Variants in ABRAXAS1 observed in about 807,000 individuals in gnomAD.
The protein encoded by ABRAXAS1 is abraxas 1, BRCA1 A complex subunit.
A neutral mutation model predicts 38.4 loss-of-function variants in ABRAXAS1; 26 were observed. The observed-to-expected ratio is 0.68, with a 90% CI of 0.50 to 0.94. ABRAXAS1 has a LOEUF of 0.94. Among genes scored for constraint, ABRAXAS1 ranks in the 40% least tolerant of loss-of-function variants. ABRAXAS1 has a pLI of 0.00. For synonymous variants in ABRAXAS1, 144 were observed against 165.5 expected, an observed-to-expected ratio of 0.87 and a Z score of 1.00; for missense variants, 438 against 481.9, an observed-to-expected ratio of 0.91 and a Z score of 0.85.
At chr4:83,463,246 A>T (rs984777512) in intron 8 of ABRAXAS1, among the ~76,000 whole-genome samples, 1 of 152,110 alleles carries the variant, frequency 6.6e-6, no homozygotes, top group African/African-American at 2.4e-5. Context: ...CCTGGCCAAC[A>T]TGGTGAAACC....
At chr4:83,480,697 G>A (rs1458622915) in intron 2 of ABRAXAS1, among the ~76,000 whole-genome samples, 1 of 152,014 alleles carries the variant, frequency 6.6e-6, no homozygotes, top group Non-Finnish European at 1.5e-5. Context: ...AATAGATAAC[G>A]CCAAATATTG....
chr4:83,483,904 C>A (rs1723083150), intron 1 of ABRAXAS1: 1 of 517,512 alleles, frequency 1.9e-6, no homozygotes, highest in Non-Finnish European at 2.5e-6. Flanking sequence ...ATTTCCACAG[C>A]TACACATATA....
At chr4:83,481,376 G>A (rs1722996021) in intron 2 of ABRAXAS1, among the ~76,000 whole-genome samples, 1 of 152,018 alleles carries the variant, frequency 6.6e-6, no homozygotes. Context: ...TTCCCTAAAA[G>A]AGAAGCTGCC....
At position 83,461,661 on chromosome 4, in the gene ABRAXAS1, A is replaced by T. The variant is rs140997571; in HGVS notation, c.*808T>A. On this transcript the variant is annotated 3_prime_UTR_variant, in exon 9 of 9. Coordinates refer to ENST00000321945, the MANE Select transcript of ABRAXAS1 (RefSeq NM_139076.3). ...TGAAGAGATGATTTACACCTAATAG[A>T]CATTGAATATGATAGACATACATGT... 182 of 262,730 alleles carry T rather than the reference A, an allele frequency of 6.9e-4. 3 individuals are homozygous for T. The highest frequency in any genetic ancestry group is 3.7e-3 in the African/African-American group (174 of 46,536). The allele number at this position is 262,730 out of a possible 1,614,324, so 16.3% of individuals were successfully genotyped here. A position where few individuals can be genotyped will look rare whatever the true frequency, so the allele number is the denominator to read the frequency against.
chr4:83,465,318 AAG>A (rs1553936259), intron 7 of ABRAXAS1, among the ~76,000 whole-genome samples: 7 of 149,480 alleles, frequency 4.7e-5, no homozygotes, highest in African/African-American at 1.2e-4. Flanking sequence ...AAAAAAAAAA[AAG>A]AAGAAACTAA....
At position 83,459,627 on chromosome 4, in the gene ABRAXAS1, G is replaced by A. The variant is rs972068152; in HGVS notation, c.*2842C>T. ...TTTTTTCTTATATTTTATGAAATGTGTCTGAAATTTAGTAAAGCTTTATAT... is the reference window on the plus strand; with the variant it reads ...TTTTTTCTTATATTTTATGAAATGTATCTGAAATTTAGTAAAGCTTTATAT... On this transcript the variant is annotated 3_prime_UTR_variant, in exon 9 of 9. Coordinates refer to ENST00000321945, the MANE Select transcript of ABRAXAS1 (RefSeq NM_139076.3). The A allele has an allele frequency of 8.1e-6, 7 of 866,376 alleles. No homozygotes were observed. In the African/African-American group the frequency reaches 1.2e-4, roughly 15 times the overall value. The allele number at this position is 866,376 out of a possible 1,614,324, so 53.7% of individuals were successfully genotyped here.
chr4:83,478,331 T>C (rs1722861093), intron 2 of ABRAXAS1: 1 of 611,354 alleles, frequency 1.6e-6, no homozygotes, highest in East Asian at 4.1e-5. Flanking sequence ...CTTTTTTGTA[T>C]TCTAAAGGAT....
rs566327221 is a variant in ABRAXAS1, at chr4:83,484,417, A to G, written c.87+569T>C. 3.3e-5 allele frequency among the ~76,000 whole-genome samples: 5 copies of G among 152,384 alleles called. No individual in the cohort carries two copies. The East Asian group carries it at 9.6e-4, about 29-fold the overall frequency. ...TTAGAAAATAGGCAACGTACTTTTA[A>G]AAACTGTTTTAACAAATTTAATAAC... On this transcript the variant is annotated intron_variant, in intron 1 of 8. Coordinates refer to ENST00000321945, the MANE Select transcript of ABRAXAS1 (RefSeq NM_139076.3).
chr4:83,478,383 CT>C (rs1308895552), intron 2 of ABRAXAS1: 3 of 566,574 alleles, frequency 5.3e-6, no homozygotes, highest in Non-Finnish European at 7.0e-6. Context: ...GAACATCATT[CT>C]TTAAATTACA....
rs1482153046 is a variant in ABRAXAS1 at position 83,469,027 on chromosome 4, C to T, written c.596+5G>A. 1.2e-6 allele frequency: 2 copies of T among 1,610,456 alleles called. No individual in the cohort carries two copies. Among genetic ancestry groups the T allele is most frequent in the Non-Finnish European group, 1.7e-6 (2 of 1,179,326 alleles). ...AAGTTTTGTGAGAAAGCAGTTGAATCTTACCTGTGTGTTTGTACTGCTCGG... is the reference window on the plus strand; with the variant it reads ...AAGTTTTGTGAGAAAGCAGTTGAATTTTACCTGTGTGTTTGTACTGCTCGG... On this transcript the variant is annotated splice_donor_5th_base_variant and intron_variant, in intron 6 of 8. Coordinates refer to ENST00000321945, the MANE Select transcript of ABRAXAS1 (RefSeq NM_139076.3).
At chr4:83,464,204 A>C (rs183235951) in intron 7 of ABRAXAS1, among the ~76,000 whole-genome samples, 97 of 152,268 alleles carry the variant, frequency 6.4e-4, no homozygotes, top group African/African-American at 2.3e-3. Flanking sequence ...AACAAACAAA[A>C]AAACTTTGAA....
chr4:83,467,632 T>A, intron 6 of ABRAXAS1, 94 bp from the exon 7 acceptor site: 1 of 699,468 alleles, frequency 1.4e-6, no homozygotes, highest in Non-Finnish European at 2.5e-6. Context: ...AATAGAAGAG[T>A]CTTTTTACTG....
intron 7 of ABRAXAS1, chr4:83,463,867 G>C: frequency 4.2e-6 from 1 of 237,704 alleles, no homozygotes; most frequent in Admixed American, 5.6e-5. Flanking sequence ...TTAGTTCGCT[G>C]AAAATATACA....
intron 2 of ABRAXAS1, 99 bp from the exon 3 acceptor site, chr4:83,476,778 A>G: frequency 1.4e-6 from 1 of 701,112 alleles, no homozygotes; most frequent in Non-Finnish European, 2.5e-6. Context: ...GAAGTACTTT[A>G]CCACTGATTA....
In ABRAXAS1 at chr4:83,460,916, A is replaced by T; in HGVS notation, c.*1553T>A. Reference sequence around the variant, plus strand: ...GGGAGACTCCATCTCAAAAAAAAAAATTGCAAACTTTAAATATTGACATTT... The same window carrying T: ...GGGAGACTCCATCTCAAAAAAAAAATTTGCAAACTTTAAATATTGACATTT... On this transcript the variant is annotated 3_prime_UTR_variant, in exon 9 of 9. Coordinates refer to ENST00000321945, the MANE Select transcript of ABRAXAS1 (RefSeq NM_139076.3). 1.4e-6 allele frequency: 2 copies of T among 1,447,500 alleles called. No homozygotes were observed. The highest frequency in any genetic ancestry group is 1.9e-6 in the Non-Finnish European group (2 of 1,052,302). The allele number at this position is 1,447,500 out of a possible 1,614,324, so 89.7% of individuals were successfully genotyped here. A position where few individuals can be genotyped will look rare whatever the true frequency, so the allele number is the denominator to read the frequency against.
At chr4:83,469,285 C>T in intron 5 of ABRAXAS1, 134 bp from the exon 6 acceptor site, 1 of 725,304 alleles carries the variant, frequency 1.4e-6, no homozygotes, top group Non-Finnish European at 2.3e-6. Flanking sequence ...TACTACTTAT[C>T]CAAAATAGAA....
chr4:83,474,177 AAAT>A (rs1722682869), intron 3 of ABRAXAS1, among the ~76,000 whole-genome samples: 7 of 148,006 alleles, frequency 4.7e-5, no homozygotes, highest in African/African-American at 1.8e-4. Flanking sequence ...ATAAATAAAT[AAAT>A]AAAATCTCTA....
chr4:83,476,729 C>G, intron 2 of ABRAXAS1, 50 bp from the exon 3 acceptor site: 1 of 1,184,292 alleles, frequency 8.4e-7, no homozygotes, highest in Non-Finnish European at 1.3e-6. Flanking sequence ...AATTCAGAAT[C>G]ACCTGAATGC....
At chr4:83,484,699 T>G (rs572591588) in intron 1 of ABRAXAS1, 2 of 314,270 alleles carry the variant, frequency 6.4e-6, no homozygotes, top group Non-Finnish European at 1.2e-5. Flanking sequence ...CGCCCAAGTT[T>G]CCACAGCTAC....
Sources: gnomAD v4.1 joint callset for allele counts (sites outside exome capture counted in the v4.1 genomes callset) on GRCh38, gnomAD v4.1.1 for gene constraint, MANE v1.5 for transcripts, NCBI Gene and HGNC (gene_info 2026-07-23, HGNC 2026-07-21) for gene names.